KLK4: variants seen among roughly 807,000 people sequenced by gnomAD.
The protein encoded by KLK4 is kallikrein-4.
Under a neutral mutation model 24.3 loss-of-function variants are expected in KLK4, and 24 were observed. The observed-to-expected ratio is 0.99, with a 90% confidence interval of 0.72 to 1.39. The LOEUF (loss-of-function observed/expected upper bound fraction) is 1.39. KLK4 is among the 40% of genes most tolerant of loss of function. KLK4 has a pLI of 0.00. For missense variants in KLK4, 344 were observed against 327.4 expected, an observed-to-expected ratio of 1.05 and a Z score of -0.39; for synonymous variants, 142 against 138.8, an observed-to-expected ratio of 1.02 and a Z score of -0.16.
rs2090482153 is a variant in KLK4 at position 50,910,786 on chromosome 19, A to T, written c.-11-37T>A. ...GACTGAGACTTAGCCGTGTCTGGGG[A>T]TCTTCAGCCCAAGTCTCTCCATCCC... On this transcript the variant is annotated intron_variant, in intron 1 of 5. Transcript: ENST00000324041. This position sits in a 1 kb window ranked among gnomAD's most constrained non-coding sequence, Gnocchi z 4.4. The T allele has an allele frequency of 6.6e-7, 1 of 1,508,328 alleles. No individual in the cohort carries two copies. The highest frequency in any genetic ancestry group is 9.0e-7 in the Non-Finnish European group (1 of 1,107,692). The allele number at this position is 1,508,328 out of a possible 1,614,324, so 93.4% of individuals were successfully genotyped here.
At chr19:50,908,307 C>T (rs917644298) in intron 5 of KLK4, 52 bp downstream of exon 5, 3 of 1,604,848 alleles carry the variant, frequency 1.9e-6, no homozygotes, top group East Asian at 2.2e-5. Context: ...CTCTGTCTCC[C>T]CCTTCTCCAC....
At chr19:50,908,585 C>CCAG in exon 4 of KLK4, 1 of 1,614,204 alleles carries the variant, frequency 6.2e-7, no homozygotes, top group Non-Finnish European at 8.5e-7. Context: ...TCACCGTTCG[C>CCAG]CAGCAGACCC....
chr19:50,909,351 T>G (rs767362460), exon 3 of KLK4: 1 of 1,614,252 alleles, frequency 6.2e-7, no homozygotes, highest in South Asian at 1.1e-5. Context: ...CTGCCAGGGC[T>G]GCGAGTGCGG....
At chr19:50,908,692 T>C (rs2090457678) in exon 4 of KLK4, 5 of 1,614,144 alleles carry the variant, frequency 3.1e-6, no homozygotes, top group Non-Finnish European at 4.2e-6. Flanking sequence ...TTCGTCCAAC[T>C]TGATGAGCAT....
chr19:50,909,029 C>T (rs2090461855), intron 3 of KLK4, 200 bp from the exon 4 acceptor site: 2 of 1,483,150 alleles, frequency 1.3e-6, no homozygotes, highest in African/African-American at 2.8e-5. Context: ...TCACTAGAGA[C>T]TCAGCACTGG....
chr19:50,908,519 G>A, intron 4 of KLK4, 24 bp from the exon 5 acceptor site: 4 of 1,614,160 alleles, frequency 2.5e-6, no homozygotes, highest in Non-Finnish European at 3.4e-6. Flanking sequence ...CTCTGGGTCA[G>A]CCCCCGCGAC....
chr19:50,908,872 C>T (rs747351028), intron 3 of KLK4, 43 bp from the exon 4 acceptor site: 1 of 1,603,632 alleles, frequency 6.2e-7, no homozygotes, highest in Non-Finnish European at 8.5e-7. Flanking sequence ...GCAACTACAT[C>T]CTTACCTCCA....
intron 3 of KLK4, 48 bp from the exon 4 acceptor site, chr19:50,908,877 C>T (rs372755721): frequency 7.5e-6 from 12 of 1,602,054 alleles, no homozygotes; most frequent in Non-Finnish European, 9.3e-6. Flanking sequence ...TACATCCTTA[C>T]CTCCATTCTC....
In KLK4 at chr19:50,910,814, T is replaced by G. The variant is rs887210871; in HGVS notation, c.-11-65A>C. 4.7e-5 allele frequency: 63 copies of G among 1,342,972 alleles called. No individual in the cohort carries two copies. Among genetic ancestry groups the G allele is most frequent in the Non-Finnish European group, 1.9e-5 (18 of 957,666 alleles). The allele number at this position is 1,342,972 out of a possible 1,614,324, so 83.2% of individuals were successfully genotyped here. ...TTCAGCCCAAGTCTCTCCATCCCTC[T>G]CTTTGTCCCTCCCTTTCTTCCCTCT... On this transcript the variant is annotated intron_variant, in intron 1 of 5. Coordinates refer to ENST00000324041, the Ensembl canonical transcript of KLK4. This position sits in a 1 kb window ranked among gnomAD's most constrained non-coding sequence, Gnocchi z 4.4.
exon 3 of KLK4, chr19:50,909,360 G>A: frequency 1.2e-6 from 2 of 1,614,176 alleles, no homozygotes; most frequent in South Asian, 2.2e-5. Flanking sequence ...CTGCGAGTGC[G>A]GGCTGCAGTC....
exon 5 of KLK4, chr19:50,908,408 G>T (rs752390951): frequency 1.2e-6 from 2 of 1,613,980 alleles, no homozygotes; most frequent in East Asian, 4.5e-5. Flanking sequence ...GAACATGCTG[G>T]GGTGGTACAG....
exon 6 of KLK4, chr19:50,906,481 G>A (rs865837147): frequency 2.5e-5 from 7 of 284,676 alleles, no homozygotes; most frequent in South Asian, 2.0e-4. Flanking sequence ...GCATTGGACC[G>A]CTGGGTCTGA....
At chr19:50,909,526 T>TGAA in intron 2 of KLK4, 112 bp from the exon 3 acceptor site, 1 of 1,188,234 alleles carries the variant, frequency 8.4e-7, no homozygotes, top group Non-Finnish European at 1.2e-6. Flanking sequence ...TCAGGGCTCC[T>TGAA]CGGGGCGGAG....
At chr19:50,908,438 C>T (rs1410470618) in exon 5 of KLK4, 1 of 1,614,012 alleles carries the variant, frequency 6.2e-7, no homozygotes, top group Non-Finnish European at 8.5e-7. Flanking sequence ...GAGCTTACTG[C>T]AGACCTCCTC....
At chr19:50,907,018 C>T (rs766016393) in exon 6 of KLK4, 62 of 1,614,138 alleles carry the variant, frequency 3.8e-5, no homozygotes, top group Non-Finnish European at 4.7e-5. Flanking sequence ...CTTGGCCACA[C>T]GGGGCTTTTC....
Position 50,910,905 on chromosome 19 carries a change from C to T in KLK4, c.-11-156G>A, listed in dbSNP as rs748904037. 6.6e-6 allele frequency among the ~76,000 whole-genome samples: 1 copy of T among 151,636 alleles called. No homozygotes were observed. The highest frequency in any genetic ancestry group is 2.4e-5 in the African/African-American group (1 of 41,188). ...CCTCTCCCATCCATGGACCCAGAAC[C>T]TAGAGAGACAGATTTAGAGACTGAG... On this transcript the variant is annotated intron_variant, in intron 1 of 5. Transcript: ENST00000324041. This position sits in a 1 kb window ranked among gnomAD's most constrained non-coding sequence, Gnocchi z 4.4.
chr19:50,906,795 G>A (rs1213740304), exon 6 of KLK4: 2 of 1,038,296 alleles, frequency 1.9e-6, no homozygotes, highest in East Asian at 2.4e-5. Context: ...CTGGGGATCT[G>A]TACCCTTGGT....
chr19:50,909,583 G>T lies in KLK4; in HGVS notation c.62-169C>A, dbSNP rs77569647. On this transcript the variant is annotated intron_variant, in intron 2 of 5. Coordinates refer to ENST00000324041, the Ensembl canonical transcript of KLK4. ...GGAGGCGGGCCCAGGGCTCTTGGGG[G>T]AGGGGTTACCGAGCAGGGGCGTGGT... 0.14 allele frequency among the ~76,000 whole-genome samples: 21,239 copies of T among 149,380 alleles called. 1,299 individuals are homozygous for T. Among genetic ancestry groups the T allele is most frequent in the South Asian group, 0.2 (903 of 4,624 alleles).
In KLK4 at chr19:50,910,235, C is replaced by G. The variant is rs2090476002; in HGVS notation, c.61+443G>C. Reference sequence around the variant, plus strand: ...CCTTGCCCACAGTCACACCAAGCCACAAGCCCATGCACACCAAAACACCGT... The same window carrying G: ...CCTTGCCCACAGTCACACCAAGCCAGAAGCCCATGCACACCAAAACACCGT... On this transcript the variant is annotated intron_variant, in intron 2 of 5. Coordinates refer to ENST00000324041, the Ensembl canonical transcript of KLK4. This position sits in a 1 kb window ranked among gnomAD's most constrained non-coding sequence, Gnocchi z 4.4. Among the ~76,000 whole-genome samples the G allele has an allele frequency of 6.6e-6, 1 of 152,124 alleles. No homozygotes were observed. The highest frequency in any genetic ancestry group is 2.4e-5 in the African/African-American group (1 of 41,398).
Sources: gnomAD v4.1 joint callset for allele counts (sites outside exome capture counted in the v4.1 genomes callset) on GRCh38, gnomAD v4.1.1 for gene constraint, Gnocchi (gnomAD v3.1) non-coding constraint, MANE v1.5 for transcripts, NCBI Gene and HGNC (gene_info 2026-07-23, HGNC 2026-07-21) for gene names.